Variants in RNF32 observed in about 807,000 individuals in gnomAD.
RNF32 encodes the protein ring finger protein 32.
A neutral mutation model predicts 41.0 loss-of-function variants in RNF32; 36 were observed. The observed-to-expected ratio is 0.88, with a 90% CI of 0.67 to 1.16. The LOEUF is 1.16. RNF32 is among the 50% of genes most tolerant of loss of function. RNF32 has a pLI of 0.00. For missense variants in RNF32, 413 were observed against 436.7 expected (o/e 0.95, Z 0.48); for synonymous variants, 154 against 160.9 (o/e 0.96, Z 0.32).
In RNF32 at chr7:156,659,480, G is replaced by A. The variant is rs1800271809; in HGVS notation, c.684+910G>A. On this transcript the variant is annotated intron_variant, in intron 7 of 8. Transcript: ENST00000317955. The stretch of plus-strand genomic sequence containing the variant: ...CATTCTTTCCAGTTTTTTATCTTCA[G>A]TCGTTGACAGTCAGTTGTGTTCTCT... The A allele has an allele frequency of 1.2e-5, 12 of 985,172 alleles. No homozygotes were observed. The South Asian group carries it at 5.6e-4, about 46-fold the overall frequency. The allele number at this position is 985,172 out of a possible 1,614,324, so 61.0% of individuals were successfully genotyped here.
At chr7:156,672,400 G>A (rs1802747678) in intron 7 of RNF32, among the ~76,000 whole-genome samples, 1 of 152,128 alleles carries the variant, frequency 6.6e-6, no homozygotes, top group African/African-American at 2.4e-5. Flanking sequence ...ATGCCACAGT[G>A]ACTGAGGCAG....
intron 2 of RNF32, among the ~76,000 whole-genome samples, chr7:156,644,200 A>G (rs1177490502): frequency 1.3e-5 from 2 of 152,258 alleles, no homozygotes; most frequent in Non-Finnish European, 2.9e-5. Context: ...CCTGGAGTCT[A>G]ATTTAATTAT....
chr7:156,658,279 T>C lies in RNF32; in HGVS notation c.575+27T>C, dbSNP rs373288716. Reference sequence around the variant, plus strand: ...TGAGGACGCCAGGCCCGTTTGGCGCTAAGCAGACACAGATCAGGCTATGAC... The same window carrying C: ...TGAGGACGCCAGGCCCGTTTGGCGCCAAGCAGACACAGATCAGGCTATGAC... On this transcript the variant is annotated intron_variant, in intron 6 of 8. Coordinates refer to ENST00000317955, the MANE Select transcript of RNF32 (RefSeq NM_030936.4). 11 of 1,610,978 alleles carry C rather than the reference T, an allele frequency of 6.8e-6. No homozygotes were observed. The African/African-American group carries it at 1.2e-4, about 18-fold the overall frequency.
chr7:156,660,361 T>C (rs986460332), intron 7 of RNF32: 4 of 921,012 alleles, frequency 4.3e-6, no homozygotes, highest in Admixed American at 6.2e-5. Flanking sequence ...GCTTGTATAT[T>C]ACAAATGTGG....
At chr7:156,658,831 T>C (rs1343781886) in intron 7 of RNF32, 3 of 1,380,296 alleles carry the variant, frequency 2.2e-6, no homozygotes, top group Non-Finnish European at 3.0e-6. Context: ...GGCCATTTTG[T>C]GCTAATTGTT....
chr7:156,668,225 C>T (rs1343282527), intron 7 of RNF32, among the ~76,000 whole-genome samples: 1 of 152,142 alleles, frequency 6.6e-6, no homozygotes, highest in African/African-American at 2.4e-5. Flanking sequence ...GGAGCAGCAG[C>T]GCCCTGTGAG....
chr7:156,662,796 G>C (rs946248324), intron 7 of RNF32, among the ~76,000 whole-genome samples: 28 of 151,286 alleles, frequency 1.9e-4, no homozygotes, highest in African/African-American at 6.5e-4. Context: ...AAAATTATAT[G>C]AGCATCTCCG....
chr7:156,653,601 C>A (rs1036243711), intron 3 of RNF32, among the ~76,000 whole-genome samples: 2 of 152,172 alleles, frequency 1.3e-5, no homozygotes, highest in Admixed American at 1.3e-4. Context: ...CCTTGTAAGT[C>A]GATGCTTTTT....
chr7:156,649,378 T>G (rs1199902370), intron 3 of RNF32, among the ~76,000 whole-genome samples: 1 of 152,216 alleles, frequency 6.6e-6, no homozygotes, highest in African/African-American at 2.4e-5. Flanking sequence ...TGTGCCTCTC[T>G]ACTTTTATGC....
chr7:156,640,440 G>T, upstream of RNF32: 2 of 381,200 alleles, frequency 5.2e-6, no homozygotes, highest in South Asian at 1.9e-5. Flanking sequence ...AGGCCTGGGC[G>T]CCTGCACGCC....
rs538237222 is a variant in RNF32, at chr7:156,653,039, T to C, written c.275-1537T>C. On this transcript the variant is annotated intron_variant, in intron 3 of 8. Coordinates refer to ENST00000317955, the MANE Select transcript of RNF32 (RefSeq NM_030936.4). ...TAGTGTAGCGTAAGTGTAGACTGTT[T>C]ATGATGTCTACAGTGGTGTACAGTC... Among the ~76,000 whole-genome samples, 32 of 152,354 alleles carry C rather than the reference T, an allele frequency of 2.1e-4. 1 individual carries two copies. The South Asian group carries it at 6.2e-3, about 30-fold the overall frequency.
intron 3 of RNF32, among the ~76,000 whole-genome samples, chr7:156,653,516 A>T (rs552103715): frequency 4.6e-5 from 7 of 152,132 alleles, no homozygotes; most frequent in Non-Finnish European, 1.0e-4. Context: ...CTCTTTCTGT[A>T]CTCGAAAGTG....
chr7:156,664,825 G>T (rs1801131500), intron 7 of RNF32, among the ~76,000 whole-genome samples: 2 of 152,068 alleles, frequency 1.3e-5, no homozygotes, highest in South Asian at 4.2e-4. Context: ...AGTTTAATCT[G>T]GGCATAACAT....
At position 156,657,571 on chromosome 7, in the gene RNF32, AAAGT is replaced by A. The variant is rs767660351; in HGVS notation, c.450+3_450+6del. 11 of 1,614,152 alleles carry A rather than the reference AAAGT, an allele frequency of 6.8e-6. 1 individual carries two copies. Among genetic ancestry groups the A allele is most frequent in the African/African-American group, 5.3e-5 (4 of 75,050 alleles). ...GCTTTCATGCTCCCATGTGTTCCAC[AAAGT>A]AAGTCCACCCCTCACGCCTGCCCAG... On this transcript the variant is annotated splice_donor_variant and coding_sequence_variant, in exon 5 of 9. Coordinates refer to ENST00000317955, the MANE Select transcript of RNF32 (RefSeq NM_030936.4). LOFTEE classifies it high-confidence loss of function.
intron 7 of RNF32, among the ~76,000 whole-genome samples, chr7:156,673,170 C>G (rs1802971352): frequency 6.6e-6 from 1 of 152,226 alleles, no homozygotes; most frequent in Admixed American, 6.5e-5. Context: ...ACATACCTCA[C>G]AAGTTGAAAC....
intron 7 of RNF32, among the ~76,000 whole-genome samples, chr7:156,667,002 C>CA (rs1372938734): frequency 6.6e-6 from 1 of 152,154 alleles, no homozygotes; most frequent in African/African-American, 2.4e-5. Context: ...CCACACCCTC[C>CA]AGCACAAGAT....
In RNF32 at chr7:156,677,111, T is replaced by C. The variant is rs147124990; in HGVS notation, c.*456T>C. ...TAAAATATAAAAATAAAATATTCAG[T>C]GGTATTCAACATCAAAAAAGTGCAA... On this transcript the variant is annotated 3_prime_UTR_variant, in exon 9 of 9. Coordinates refer to ENST00000317955, the MANE Select transcript of RNF32 (RefSeq NM_030936.4). The C allele has an allele frequency of 6.4e-6, 1 of 155,698 alleles. No homozygotes were observed. Among genetic ancestry groups the C allele is most frequent in the African/African-American group, 2.4e-5 (1 of 41,592 alleles). 9.6% of individuals were successfully genotyped at this position (155,698 alleles called of 1,614,324 possible).
At chr7:156,652,005 C>T (rs536177668) in intron 3 of RNF32, among the ~76,000 whole-genome samples, 5 of 152,314 alleles carry the variant, frequency 3.3e-5, no homozygotes, top group Admixed American at 3.3e-4. Flanking sequence ...GCGGCCTCCT[C>T]CTTGGTTTCT....
intron 3 of RNF32, chr7:156,646,427 G>A (rs1297340737): frequency 3.8e-6 from 5 of 1,303,822 alleles, no homozygotes; most frequent in Non-Finnish European, 5.1e-6. Context: ...AGGTGTGATT[G>A]TACTCTCCCT....
Sources: gnomAD v4.1 joint callset for allele counts (sites outside exome capture counted in the v4.1 genomes callset) on GRCh38, gnomAD v4.1.1 for gene constraint, MANE v1.5 for transcripts, NCBI Gene and HGNC (gene_info 2026-07-23, HGNC 2026-07-21) for gene names.